The following ADAMTS2 variants were observed in gnomAD, a reference collection of about 807,000 sequenced individuals.
ADAMTS2 encodes the protein ADAM metallopeptidase with thrombospondin type 1 motif 2.
ADAMTS2 carries 50 observed loss-of-function variants against 123.0 expected under a neutral mutation model. The observed-to-expected ratio is 0.41, with a 90% CI of 0.32 to 0.51. The LOEUF is 0.51. ADAMTS2 is among the 20% of genes least tolerant of loss of function. The pLI is 0.35. For synonymous variants in ADAMTS2, 678 were observed against 695.4 expected, an observed-to-expected ratio of 0.98 and a Z score of 0.39; for missense variants, 1,494 against 1,705.2, an observed-to-expected ratio of 0.88 and a Z score of 2.18.
At position 179,228,111 on chromosome 5, in the gene ADAMTS2, ACC is replaced by A. The variant is rs1453565441; in HGVS notation, c.689-20398_689-20397del. ...TTTCTGTGGGGACACAAGGACAGAC[ACC>A]CATGAGACACTCAGGCAGGAGTGGT... On this transcript the variant is annotated intron_variant, in intron 3 of 21. Coordinates refer to ENST00000251582, the MANE Select transcript of ADAMTS2 (RefSeq NM_014244.5). The surrounding 1 kb of genome is among the most constrained non-coding windows in gnomAD (Gnocchi z 5.2). Among the ~76,000 whole-genome samples the A allele has an allele frequency of 1.3e-5, 2 of 152,124 alleles. No homozygotes were observed. The highest frequency in any genetic ancestry group is 4.1e-4 in the South Asian group (2 of 4,830).
intron 4 of ADAMTS2, among the ~76,000 whole-genome samples, chr5:179,201,182 T>G (rs1005245098): frequency 5.3e-4 from 81 of 152,122 alleles, no homozygotes; most frequent in Non-Finnish European, 7.4e-5. Flanking sequence ...AACATTCCAG[T>G]GTAGAAAGCT....
Position 179,158,818 on chromosome 5 carries a change from G to C in ADAMTS2, c.1037C>G (p.Ala346Gly). ...CGTGTCTGGCTTCTGCTGGAGGTAG[G>C]CCCAGCGGCAGACATTCTCCAGGCT... ...SQSLENVCRW[A>G]YLQQKPDTGH... The change falls in exon 6 of 22, where the codon GCC becomes GGC. Residue 346 changes from alanine to glycine, a missense_variant. Physicochemically the swap from Ala to Gly is moderately conservative, Grantham distance 60. Coordinates refer to ENST00000251582, the MANE Select transcript of ADAMTS2 (RefSeq NM_014244.5). This position sits in a 1 kb window ranked among gnomAD's most constrained non-coding sequence, Gnocchi z 5.0. 6.2e-7 allele frequency: 1 copy of C among 1,614,234 alleles called. No homozygotes were observed. Among genetic ancestry groups the C allele is most frequent in the Non-Finnish European group, 8.5e-7 (1 of 1,180,056 alleles).
chr5:179,309,957 C>T (rs899271277), intron 2 of ADAMTS2, among the ~76,000 whole-genome samples: 1 of 151,378 alleles, frequency 6.6e-6, no homozygotes, highest in Non-Finnish European at 1.5e-5. Context: ...GTCCTCCCTG[C>T]CCCACCCCTG....
At chr5:179,138,018 C>G in intron 11 of ADAMTS2, 74 bp from the exon 12 acceptor site, 1 of 1,495,186 alleles carries the variant, frequency 6.7e-7, no homozygotes, top group Non-Finnish European at 9.0e-7. Context: ...CTTGTGAGAT[C>G]TTTTTAGGGG....
intron 9 of ADAMTS2, 120 bp from the exon 10 acceptor site, chr5:179,152,375 C>A: frequency 1.1e-6 from 1 of 936,794 alleles, no homozygotes. Context: ...ATGATGGGCC[C>A]GTGAGGCTGG....
chr5:179,163,337 G>C (rs1429809579), intron 5 of ADAMTS2, among the ~76,000 whole-genome samples: 1 of 152,198 alleles, frequency 6.6e-6, no homozygotes, highest in African/African-American at 2.4e-5. Context: ...TCGGTGATAA[G>C]GAGTGGCGAG....
chr5:179,340,466 G>A (rs988474362), intron 2 of ADAMTS2, among the ~76,000 whole-genome samples: 8 of 152,220 alleles, frequency 5.3e-5, no homozygotes, highest in African/African-American at 1.9e-4. Context: ...AACCCACAAT[G>A]AGAACGTCTC....
rs1755993889 is a variant in ADAMTS2, at chr5:179,285,460, C to T, written c.535-12396G>A. The stretch of plus-strand genomic sequence containing the variant: ...TGGCCTGTCCAGAATGTCCCACACT[C>T]AGCCCTCTGCAGCCAGCTCCCCCAT... On this transcript the variant is annotated intron_variant, in intron 2 of 21. Transcript: ENST00000251582. This position sits in a 1 kb window ranked among gnomAD's most constrained non-coding sequence, Gnocchi z 4.9. Among the ~76,000 whole-genome samples the T allele has an allele frequency of 6.6e-6, 1 of 152,238 alleles. No individual in the cohort carries two copies. The highest frequency in any genetic ancestry group is 6.5e-5 in the Admixed American group (1 of 15,290).
At chr5:179,217,791 C>CAAAAGG (rs1187301459) in intron 3 of ADAMTS2, among the ~76,000 whole-genome samples, 1,630 of 87,374 alleles carry the variant, frequency 0.019, 80 homozygotes, top group Middle Eastern at 0.071. Context: ...TAGGGGATGG[C>CAAAAGG]GCAAGGGGGG....
At chr5:179,121,636 G>T in intron 21 of ADAMTS2, 25 bp downstream of exon 21, 1 of 1,582,210 alleles carries the variant, frequency 6.3e-7, no homozygotes, top group Non-Finnish European at 8.6e-7. Context: ...GAGGGCAGAG[G>T]CAGAGTTATA....
intron 3 of ADAMTS2, among the ~76,000 whole-genome samples, chr5:179,245,504 C>T (rs1255398354): frequency 6.7e-5 from 10 of 148,974 alleles, no homozygotes; most frequent in East Asian, 2.0e-4. Context: ...CGGTGGCTCA[C>T]GCCTGTAATC....
rs1284898405 is a variant in ADAMTS2, at chr5:179,129,640, G to A, written c.2457+292C>T. Among the ~76,000 whole-genome samples the A allele has an allele frequency of 1.3e-5, 2 of 152,152 alleles. No homozygotes were observed. The highest frequency in any genetic ancestry group is 2.9e-5 in the Non-Finnish European group (2 of 68,038). Reference sequence around the variant, plus strand: ...TTCCAATGTAACAGCACACTCGAACGAGCATGCTGATGGCAGCTGTGAATG... The same window carrying A: ...TTCCAATGTAACAGCACACTCGAACAAGCATGCTGATGGCAGCTGTGAATG... On this transcript the variant is annotated intron_variant, in intron 16 of 21. Coordinates refer to ENST00000251582, the MANE Select transcript of ADAMTS2 (RefSeq NM_014244.5). This position sits in a 1 kb window ranked among gnomAD's most constrained non-coding sequence, Gnocchi z 4.1.
intron 5 of ADAMTS2, among the ~76,000 whole-genome samples, chr5:179,159,462 C>T (rs1763554999): frequency 6.6e-6 from 1 of 152,190 alleles, no homozygotes; most frequent in South Asian, 2.1e-4. Flanking sequence ...CGCAGTATTG[C>T]CATGAAAAGT....
At chr5:179,253,702 C>T (rs1393276581) in intron 3 of ADAMTS2, among the ~76,000 whole-genome samples, 1 of 152,102 alleles carries the variant, frequency 6.6e-6, no homozygotes, top group Non-Finnish European at 1.5e-5. Context: ...ACTGTGCTGG[C>T]TGCCCCAGCC....
chr5:179,277,262 C>A (rs1346246328), intron 2 of ADAMTS2, among the ~76,000 whole-genome samples: 15 of 151,970 alleles, frequency 9.9e-5, no homozygotes, highest in African/African-American at 3.6e-4. Context: ...CCGTGCGATG[C>A]GCACAACGCA....
chr5:179,233,938 C>T (rs891505706), intron 3 of ADAMTS2, among the ~76,000 whole-genome samples: 12 of 152,128 alleles, frequency 7.9e-5, no homozygotes, highest in Admixed American at 3.3e-4. Flanking sequence ...CATCCTCTCC[C>T]TCACAGAGTG....
intron 4 of ADAMTS2, among the ~76,000 whole-genome samples, chr5:179,198,864 G>A (rs1357740361): frequency 6.6e-6 from 1 of 150,980 alleles, no homozygotes. Flanking sequence ...AAAACTCACT[G>A]CAGAGAGCCT....
At chr5:179,330,842 C>A (rs1054960934) in intron 2 of ADAMTS2, among the ~76,000 whole-genome samples, 3 of 152,246 alleles carry the variant, frequency 2.0e-5, no homozygotes, top group Admixed American at 6.5e-5. Flanking sequence ...GATGCTCTGG[C>A]AGGGCAGGGA....
chr5:179,318,693 G>A (rs1757070894), intron 2 of ADAMTS2, among the ~76,000 whole-genome samples: 1 of 152,168 alleles, frequency 6.6e-6, no homozygotes, highest in Non-Finnish European at 1.5e-5. Flanking sequence ...GACCAGGGCA[G>A]GTGGGGCAAT....
Sources: allele counts gnomAD v4.1 joint callset (sites outside exome capture counted in the v4.1 genomes callset), GRCh38; gene constraint gnomAD v4.1.1; non-coding constraint Gnocchi (gnomAD v3.1); transcripts MANE v1.5; gene names NCBI Gene and HGNC (gene_info 2026-07-23, HGNC 2026-07-21).